SPON1: variants seen among roughly 807,000 people sequenced by gnomAD.
The protein encoded by SPON1 is spondin-1.
In SPON1, 52 loss-of-function variants were observed where a neutral mutation model predicts 111.7. The ratio of observed to expected loss-of-function variants is 0.47; its 90% confidence interval spans 0.37 to 0.59. The LOEUF (loss-of-function observed/expected upper bound fraction) is 0.59. Ranked by LOEUF, SPON1 falls within the 20% of genes least tolerant of loss-of-function variation. The pLI is 0.00. For missense variants in SPON1, 957 were observed against 1,068.5 expected (o/e 0.90, Z 1.46); for synonymous variants, 410 against 395.8 (o/e 1.04, Z -0.43).
chr11:14,075,546 G>A (rs993689358), intron 4 of SPON1, 128 bp downstream of exon 4: 41 of 660,876 alleles, frequency 6.2e-5, no homozygotes, highest in South Asian at 2.8e-4. Flanking sequence ...GCTTCCTCAC[G>A]TAGCTCCGAT....
At chr11:13,990,118 A>G (rs191555252) in intron 2 of SPON1, among the ~76,000 whole-genome samples, 12 of 152,038 alleles carry the variant, frequency 7.9e-5, no homozygotes, top group African/African-American at 2.7e-4. Context: ...TTTCTATCTC[A>G]TTGATCTGTC....
intron 6 of SPON1, among the ~76,000 whole-genome samples, chr11:14,160,808 A>T (rs1847926374): frequency 1.9e-5 from 1 of 51,538 alleles, no homozygotes; most frequent in African/African-American, 7.5e-5. Flanking sequence ...ATTTTTATAT[A>T]TATTTTTATA....
intron 7 of SPON1, among the ~76,000 whole-genome samples, chr11:14,253,578 C>T (rs1849074926): frequency 6.6e-6 from 1 of 152,230 alleles, no homozygotes; most frequent in Non-Finnish European, 1.5e-5. Context: ...CAGCTGGTCC[C>T]AACAGAGGGC....
rs1345301415 is a variant in SPON1, at chr11:14,228,794, C to T, written c.826-14538C>T. ...GCACAATAAAGTTGTATAGGGCAAC[C>T]GTGAGATGTGAAAACAAATGCATCC... On this transcript the variant is annotated intron_variant, in intron 6 of 15. Transcript: ENST00000576479. This position sits in a 1 kb window ranked among gnomAD's most constrained non-coding sequence, Gnocchi z 4.2. 6.6e-6 allele frequency among the ~76,000 whole-genome samples: 1 copy of T among 152,120 alleles called. No individual in the cohort carries two copies. The highest frequency in any genetic ancestry group is 2.4e-5 in the African/African-American group (1 of 41,412).
At chr11:14,005,950 T>A (rs1554913068) in intron 2 of SPON1, among the ~76,000 whole-genome samples, 1 of 152,186 alleles carries the variant, frequency 6.6e-6, no homozygotes, top group African/African-American at 2.4e-5. Context: ...TTACCCACTT[T>A]GGAGGGTGAA....
At position 14,260,569 on chromosome 11, in the gene SPON1, A is replaced by T; in HGVS notation, c.1832-19A>T. 1 of 1,608,152 alleles carries T rather than the reference A, an allele frequency of 6.2e-7. No individual in the cohort carries two copies. The highest frequency in any genetic ancestry group is 8.5e-7 in the Non-Finnish European group (1 of 1,175,848). ...CAAAAGGAACCTGTTCTCAGTGGCA[A>T]ACCTGGTTCTTGATCTAGACACCAT... On this transcript the variant is annotated intron_variant, in intron 13 of 15. Transcript: ENST00000576479.
chr11:13,995,897 G>A (rs1024757208), intron 2 of SPON1, among the ~76,000 whole-genome samples: 2 of 152,224 alleles, frequency 1.3e-5, no homozygotes, highest in African/African-American at 4.8e-5. Flanking sequence ...TGCTAAAATT[G>A]CTGCATCTGT....
At chr11:14,200,815 A>T (rs1395131851) in intron 6 of SPON1, among the ~76,000 whole-genome samples, 11 of 3,488 alleles carry the variant, frequency 3.2e-3, no homozygotes, top group African/African-American at 0.01. Context: ...ACCCTGTCTT[A>T]AAAAAAAAAA....
chr11:14,079,754 A>C, intron 4 of SPON1, 145 bp from the exon 5 acceptor site: 1 of 776,980 alleles, frequency 1.3e-6, no homozygotes, highest in Non-Finnish European at 2.0e-6. Flanking sequence ...TTGCCCAAGT[A>C]CTGATCTGGC....
intron 5 of SPON1, among the ~76,000 whole-genome samples, chr11:14,132,735 ATTATC>A (rs1313497612): frequency 9.9e-5 from 15 of 152,246 alleles, no homozygotes; most frequent in Admixed American, 7.8e-4. Context: ...ACATGTTCCC[ATTATC>A]TTATCATACA....
chr11:14,214,351 T>C (rs1848605515), intron 6 of SPON1, among the ~76,000 whole-genome samples: 1 of 152,158 alleles, frequency 6.6e-6, no homozygotes, highest in African/African-American at 2.4e-5. Context: ...AGTAAGATGA[T>C]GCTTCAGAAT....
intron 5 of SPON1, among the ~76,000 whole-genome samples, chr11:14,116,958 T>C: frequency 6.6e-6 from 1 of 152,210 alleles, no homozygotes; most frequent in East Asian, 1.9e-4. Flanking sequence ...GGGTATTATA[T>C]GTTTTATGCT....
chr11:14,084,006 A>G (rs1232781058), intron 5 of SPON1, among the ~76,000 whole-genome samples: 3 of 152,188 alleles, frequency 2.0e-5, no homozygotes, highest in Non-Finnish European at 4.4e-5. Flanking sequence ...CAATCACAGT[A>G]CTTCAGTATA....
intron 6 of SPON1, among the ~76,000 whole-genome samples, chr11:14,218,440 C>T (rs1239927734): frequency 1.3e-5 from 2 of 152,164 alleles, no homozygotes; most frequent in Non-Finnish European, 1.5e-5. Flanking sequence ...CATTGGTCCC[C>T]CTGATAAAAT....
chr11:14,227,055 G>A lies in SPON1; in HGVS notation c.826-16277G>A, dbSNP rs188328430. On this transcript the variant is annotated intron_variant, in intron 6 of 15. Coordinates refer to ENST00000576479, the MANE Select transcript of SPON1 (RefSeq NM_006108.4). ...CATCTCAAGATCATTAACAATATCT[G>A]CAAGGCCTTTGTGGACATATAATGA... Among the ~76,000 whole-genome samples the A allele has an allele frequency of 7.4e-4, 113 of 152,296 alleles. 1 individual carries two copies. Among genetic ancestry groups the A allele is most frequent in the Middle Eastern group, 3.4e-3 (1 of 294 alleles).
intron 5 of SPON1, among the ~76,000 whole-genome samples, chr11:14,082,204 C>T (rs543880854): frequency 2.0e-4 from 30 of 151,692 alleles, no homozygotes; most frequent in Non-Finnish European, 3.7e-4. Context: ...AAAATTGTTT[C>T]TGGGTCTTTG....
At chr11:14,182,811 C>T (rs1460648945) in intron 6 of SPON1, among the ~76,000 whole-genome samples, 1 of 152,182 alleles carries the variant, frequency 6.6e-6, no homozygotes, top group African/African-American at 2.4e-5. Flanking sequence ...ATAGAAGGAA[C>T]TTCAACCTCT....
At chr11:14,074,399 G>T (rs1002364675) in intron 3 of SPON1, among the ~76,000 whole-genome samples, 4 of 152,210 alleles carry the variant, frequency 2.6e-5, no homozygotes, top group Non-Finnish European at 4.4e-5. Flanking sequence ...CTGGGATCAT[G>T]TGACACATGC....
chr11:13,976,313 G>A lies in SPON1; in HGVS notation c.239-6534G>A, dbSNP rs534352236. Reference sequence around the variant, plus strand: ...AATTGGGAGGAGTCATTAGAGAGAAGATTCTATTATTTACTGCCAAGCAGT... The same window carrying A: ...AATTGGGAGGAGTCATTAGAGAGAAAATTCTATTATTTACTGCCAAGCAGT... On this transcript the variant is annotated intron_variant, in intron 1 of 15. Transcript: ENST00000576479. 4.6e-5 allele frequency among the ~76,000 whole-genome samples: 7 copies of A among 152,222 alleles called. No homozygotes were observed. The South Asian group carries it at 1.5e-3, about 32-fold the overall frequency.
Sources: gnomAD v4.1 joint callset for allele counts (sites outside exome capture counted in the v4.1 genomes callset) on GRCh38, gnomAD v4.1.1 for gene constraint, Gnocchi (gnomAD v3.1) non-coding constraint, MANE v1.5 for transcripts, NCBI Gene and HGNC (gene_info 2026-07-23, HGNC 2026-07-21) for gene names.